The following EYS variants were observed in gnomAD, a reference collection of about 807,000 sequenced individuals.
EYS encodes EGF-like photoreceptor maintenance factor.
In EYS, 250 loss-of-function variants were observed where a neutral mutation model predicts 282.1. The ratio of observed to expected loss-of-function variants is 0.89; its 90% CI spans 0.80 to 0.98. The LOEUF (loss-of-function observed/expected upper bound fraction) is 0.98. Ranked by LOEUF, EYS falls within the 50% of genes least tolerant of loss-of-function variation. EYS has a pLI of 0.00. For missense variants in EYS, 4,016 were observed against 3,709.0 expected (o/e 1.08, Z -2.15); for synonymous variants, 1,355 against 1,282.9 (o/e 1.06, Z -1.20).
At chr6:64,713,238 T>C (rs1771267753) in intron 22 of EYS, 2 of 152,186 alleles carry the variant, frequency 1.3e-5, no homozygotes, top group Non-Finnish European at 2.9e-5. Flanking sequence ...TTCCAGAATA[T>C]GATTTCCAAA....
chr6:64,481,156 A>G (rs1289939308), intron 26 of EYS, among the ~76,000 whole-genome samples: 2 of 150,798 alleles, frequency 1.3e-5, no homozygotes, highest in African/African-American at 2.4e-5. Context: ...GAAAACTCAC[A>G]GCTTTCTCTT....
rs1165795985 is a variant in EYS at position 64,552,015 on chromosome 6, C to T, written c.5644+38208G>A. 2.6e-5 allele frequency among the ~76,000 whole-genome samples: 4 copies of T among 152,188 alleles called. No individual in the cohort carries two copies. The East Asian group carries it at 7.8e-4, about 30-fold the overall frequency. Reference sequence around the variant, plus strand: ...AAACTCCTGACTTCACGTGATTCACCCACCTTGGCCTCCCAAAGCACTGAG... The same window carrying T: ...AAACTCCTGACTTCACGTGATTCACTCACCTTGGCCTCCCAAAGCACTGAG... On this transcript the variant is annotated intron_variant, in intron 26 of 42. Transcript: ENST00000503581.
chr6:64,506,917 A>AG (rs2150515989), intron 26 of EYS, among the ~76,000 whole-genome samples: 1 of 140,214 alleles, frequency 7.1e-6, no homozygotes, highest in African/African-American at 3.2e-5. Flanking sequence ...TTAAAAAAAA[A>AG]AAAAAAAACT....
rs1015251679 is a variant in EYS, at chr6:64,089,447, T to C, written c.6425-7445A>G. Among the ~76,000 whole-genome samples the C allele has an allele frequency of 8.8e-5, 13 of 147,664 alleles. No homozygotes were observed. The East Asian group carries it at 2.5e-3, about 28-fold the overall frequency. On this transcript the variant is annotated intron_variant, in intron 31 of 42. Transcript: ENST00000503581. The stretch of plus-strand genomic sequence containing the variant: ...TCAGTGATTACAATTAAAATGATTA[T>C]AATTATGATTATCAATATCTTAAAT...
intron 19 of EYS, among the ~76,000 whole-genome samples, chr6:64,857,738 T>A (rs1055518308): frequency 1.3e-5 from 2 of 152,182 alleles, no homozygotes; most frequent in African/African-American, 4.8e-5. Flanking sequence ...TTACATGAGT[T>A]CCCTTTTTTC....
At chr6:63,757,948 T>C (rs1233201357) in intron 41 of EYS, among the ~76,000 whole-genome samples, 1 of 152,204 alleles carries the variant, frequency 6.6e-6, no homozygotes, top group Non-Finnish European at 1.5e-5. Flanking sequence ...TCATCCAAGT[T>C]GGAGTGCAGT....
chr6:64,397,181 G>C (rs1773409446), intron 28 of EYS, among the ~76,000 whole-genome samples: 2 of 152,130 alleles, frequency 1.3e-5, no homozygotes, highest in Middle Eastern at 3.4e-3. Context: ...CTTGGAGTAA[G>C]TTTAACTTGG....
At chr6:65,232,244 A>G (rs145403348) in intron 12 of EYS, among the ~76,000 whole-genome samples, 385 of 152,132 alleles carry the variant, frequency 2.5e-3, no homozygotes, top group African/African-American at 8.5e-3. Flanking sequence ...TGCAGATATA[A>G]TGTCCAAAAT....
At chr6:65,183,230 A>G (rs1765435924) in intron 12 of EYS, among the ~76,000 whole-genome samples, 1 of 151,968 alleles carries the variant, frequency 6.6e-6, no homozygotes, top group Admixed American at 6.6e-5. Context: ...TATTTAGCAT[A>G]ATGCCATATG....
At chr6:64,342,860 G>T (rs1001248773) in intron 29 of EYS, among the ~76,000 whole-genome samples, 1 of 152,018 alleles carries the variant, frequency 6.6e-6, no homozygotes, top group Non-Finnish European at 1.5e-5. Flanking sequence ...GATGGAGGAA[G>T]ATCTACCAAG....
intron 12 of EYS, among the ~76,000 whole-genome samples, chr6:65,289,427 T>C (rs751373438): frequency 1.3e-5 from 2 of 151,018 alleles, no homozygotes; most frequent in South Asian, 2.1e-4. Flanking sequence ...GTATGGTATA[T>C]AGATTGAAAC....
At chr6:64,151,317 T>C (rs11752243) in intron 31 of EYS, among the ~76,000 whole-genome samples, 1 of 52,472 alleles carries the variant, frequency 1.9e-5, no homozygotes, top group Non-Finnish European at 3.2e-5. Context: ...GTGTGTATAT[T>C]TATATATATA....
At chr6:63,727,737 A>AAAAAATATATATATATATATAT in intron 41 of EYS, among the ~76,000 whole-genome samples, 1 of 36,726 alleles carries the variant, frequency 2.7e-5, no homozygotes, top group African/African-American at 2.7e-4. Flanking sequence ...AAAAAAAAAA[A>AAAAAATATATATATATATATAT]ATATATATAT....
At chr6:65,667,246 C>A (rs892906230) in intron 1 of EYS, among the ~76,000 whole-genome samples, 1 of 151,858 alleles carries the variant, frequency 6.6e-6, no homozygotes, top group Non-Finnish European at 1.5e-5. Context: ...GACTGTTCTG[C>A]TAAAACTCTT....
At chr6:63,948,732 G>A (rs182590706) in intron 35 of EYS, among the ~76,000 whole-genome samples, 3 of 152,042 alleles carry the variant, frequency 2.0e-5, no homozygotes, top group Admixed American at 6.6e-5. Context: ...CCAAACCAGG[G>A]ACAAAAGTGC....
intron 26 of EYS, among the ~76,000 whole-genome samples, chr6:64,480,516 TAA>T: frequency 6.6e-6 from 1 of 151,856 alleles, no homozygotes; most frequent in Non-Finnish European, 1.5e-5. Context: ...AGAGTTCAGC[TAA>T]CGTTGATAAG....
At chr6:64,636,245 T>C (rs1767976182) in intron 22 of EYS, among the ~76,000 whole-genome samples, 1 of 152,046 alleles carries the variant, frequency 6.6e-6, no homozygotes, top group African/African-American at 2.4e-5. Context: ...AACAGAGATA[T>C]AGATAAATGG....
At chr6:64,923,285 G>GACA (rs1224855298) in intron 15 of EYS, among the ~76,000 whole-genome samples, 1 of 152,230 alleles carries the variant, frequency 6.6e-6, no homozygotes, top group East Asian at 1.9e-4. Flanking sequence ...AAAAACCCCT[G>GACA]ACAAACCCAT....
chr6:64,211,627 T>TTAGCAAAATTTAATTTTGCTA (rs1765776042), intron 31 of EYS, among the ~76,000 whole-genome samples: 1 of 148,660 alleles, frequency 6.7e-6, no homozygotes, highest in East Asian at 1.9e-4. Flanking sequence ...ATATATGAAT[T>TTAGCAAAATTTAATTTTGCTA]AAATTTAGCA....
Sources: gnomAD v4.1 joint callset for allele counts (sites outside exome capture counted in the v4.1 genomes callset) on GRCh38, gnomAD v4.1.1 for gene constraint, MANE v1.5 for transcripts, NCBI Gene and HGNC (gene_info 2026-07-23, HGNC 2026-07-21) for gene names.